PCDHGA2: variants seen among roughly 807,000 people sequenced by gnomAD.
PCDHGA2 encodes protocadherin gamma-A2.
Under a neutral mutation model 59.2 loss-of-function variants are expected in PCDHGA2, and 40 were observed. The ratio of observed to expected loss-of-function variants is 0.68; its 90% confidence interval spans 0.52 to 0.88. The LOEUF (loss-of-function observed/expected upper bound fraction) is 0.88, where lower values mean the gene tolerates loss of function less well. PCDHGA2 is among the 40% of genes least tolerant of loss of function. PCDHGA2 has a pLI of 0.00. For missense variants in PCDHGA2, 1,226 were observed against 1,204.0 expected (o/e 1.02, Z -0.27); for synonymous variants, 560 against 526.0 (o/e 1.06, Z -0.89).
At chr5:141,361,888 G>T (rs201231976) in intron 1 of PCDHGA2, 1 of 1,610,098 alleles carries the variant, frequency 6.2e-7, no homozygotes, top group African/African-American at 1.3e-5. Context: ...CGCAGAGCCC[G>T]GCTACCTGGT....
At chr5:141,365,589 T>C (rs779313790) in intron 1 of PCDHGA2, 12 of 1,613,518 alleles carry the variant, frequency 7.4e-6, no homozygotes, top group Middle Eastern at 1.6e-4. Flanking sequence ...GATTATAATA[T>C]CACTTTAACC....
chr5:141,474,710 A>T (rs535069070), intron 1 of PCDHGA2, among the ~76,000 whole-genome samples: 31 of 152,330 alleles, frequency 2.0e-4, no homozygotes, highest in African/African-American at 6.3e-4. Context: ...GTTCTATTAT[A>T]CTTCAAAAGG....
rs61738537 is a variant in PCDHGA2 at position 141,340,317 on chromosome 5, C to T, written c.1346C>T (p.Ala449Val). 46 of 1,614,050 alleles carry T rather than the reference C, an allele frequency of 2.8e-5. No homozygotes were observed. The African/African-American group carries it at 5.9e-4, about 21-fold the overall frequency. The part of the protein sequence containing the change: ...LLQVADINDN[A>V]PAFSRTSYST... ...CAGGTGGCAGACATCAACGACAACG[C>T]ACCCGCCTTCTCCCGCACATCCTAC... The change falls in exon 1 of 4, where the codon GCA becomes GTA. Residue 449 changes from alanine to valine, a missense_variant. Physicochemically the swap from Ala to Val is moderately conservative, Grantham distance 64. Transcript: ENST00000394576.
At chr5:141,409,832 G>A (rs777679132) in intron 1 of PCDHGA2, 20 of 1,610,814 alleles carry the variant, frequency 1.2e-5, no homozygotes, top group Non-Finnish European at 1.6e-5. Context: ...CACGCTCAGC[G>A]CCAACGTGAG....
chr5:141,418,954 T>C (rs1490406390), intron 1 of PCDHGA2: 2 of 1,613,914 alleles, frequency 1.2e-6, no homozygotes, highest in Admixed American at 1.7e-5. Flanking sequence ...CAGGAGTGGT[T>C]GTTGCCCTCT....
intron 1 of PCDHGA2, chr5:141,387,676 G>C: frequency 2.7e-6 from 2 of 732,232 alleles, no homozygotes; most frequent in Non-Finnish European, 4.3e-6. Context: ...AGATCTCCTC[G>C]CGCAGCCGCA....
rs1226359801 is a variant in PCDHGA2, at chr5:141,388,320, G to A, written c.2424+46925G>A. On this transcript the variant is annotated intron_variant, in intron 1 of 3. Coordinates refer to ENST00000394576, the MANE Select transcript of PCDHGA2 (RefSeq NM_018915.4). ...CTTTGAGCTGCAAATAAGTGAGTCT[G>A]CACAGCCTGGCACACGATTTATATT... is the stretch of plus-strand genomic sequence containing the variant. 9.3e-6 allele frequency: 15 copies of A among 1,613,768 alleles called. 1 individual carries two copies. The Admixed American group carries it at 2.5e-4, about 27-fold the overall frequency.
chr5:141,450,556 G>A lies in PCDHGA2; in HGVS notation c.2425-44251G>A, dbSNP rs534127421. Among the ~76,000 whole-genome samples, 5 of 151,822 alleles carry A rather than the reference G, an allele frequency of 3.3e-5. 1 individual carries two copies. Among genetic ancestry groups the A allele is most frequent in the South Asian group, 2.1e-4 (1 of 4,804 alleles). On this transcript the variant is annotated intron_variant, in intron 1 of 3. Transcript: ENST00000394576. ...GGCTGGAATGCAGTGGCGCAGTCTCGGCTCACTGCAACTTCTGCCTCCCAG... is the reference window on the plus strand; with the variant it reads ...GGCTGGAATGCAGTGGCGCAGTCTCAGCTCACTGCAACTTCTGCCTCCCAG...
chr5:141,430,957 C>T (rs771551541), intron 1 of PCDHGA2: 42 of 1,611,532 alleles, frequency 2.6e-5, no homozygotes, highest in Middle Eastern at 3.3e-4. Context: ...GAGTCCGCAT[C>T]ATCCCCAGAG....
chr5:141,393,136 C>A (rs1188231861), intron 1 of PCDHGA2: 3 of 1,613,306 alleles, frequency 1.9e-6, no homozygotes, highest in Admixed American at 1.7e-5. Flanking sequence ...AATATTAACA[C>A]CCTGGTTGAG....
chr5:141,460,346 ATTTTC>A (rs1049715417), intron 1 of PCDHGA2, among the ~76,000 whole-genome samples: 6 of 151,964 alleles, frequency 3.9e-5, no homozygotes, highest in Non-Finnish European at 8.8e-5. Flanking sequence ...TTTCTCCTAT[ATTTTC>A]TTTTAGAAGT....
In PCDHGA2 at chr5:141,362,283, A is replaced by G. The variant is rs758529550; in HGVS notation, c.2424+20888A>G. 15 of 1,612,776 alleles carry G rather than the reference A, an allele frequency of 9.3e-6. No individual in the cohort carries two copies. In the Admixed American group the frequency reaches 1.8e-4, roughly 20 times the overall value. On this transcript the variant is annotated intron_variant, in intron 1 of 3. Transcript: ENST00000394576. ...TTCTGGCAATCTCCCTGCGCCTGCG[A>G]CTCTCTTCCAGGTCAGATGCTTGGG...
intron 1 of PCDHGA2, chr5:141,360,677 C>T: frequency 1.2e-6 from 2 of 1,613,980 alleles, no homozygotes; most frequent in South Asian, 1.1e-5. Flanking sequence ...TTTGATCTCG[C>T]TGAGAAACAG....
Position 141,420,738 on chromosome 5 carries a change from T to C in PCDHGA2, c.2425-74069T>C, listed in dbSNP as rs550966989. 1.5e-4 allele frequency among the ~76,000 whole-genome samples: 23 copies of C among 152,358 alleles called. 1 individual carries two copies. In the South Asian group the frequency reaches 4.6e-3, roughly 30 times the overall value. ...GTTCCTTTCAGTCGGTTAAAATCAA[T>C]TGGAACCAACTACAACCTACAAGTT... On this transcript the variant is annotated intron_variant, in intron 1 of 3. Transcript: ENST00000394576.
Position 141,340,856 on chromosome 5 carries a change from G to T in PCDHGA2, c.1885G>T (p.Ala629Ser). The change falls in exon 1 of 4, where the codon GCG becomes TCG. Residue 629 changes from alanine (A) to serine (S), a missense_variant. Physicochemically the swap from Ala to Ser is moderately conservative, Grantham distance 99. Coordinates refer to ENST00000394576, the MANE Select transcript of PCDHGA2 (RefSeq NM_018915.4). ...TCTGCACACGGGCGAGGTGCGCACG[G>T]CGCGAGCCCTGCTGGACAGAGACGC... is the stretch of plus-strand genomic sequence containing the variant. ...VGLHTGEVRT[A>S]RALLDRDALK... is the part of the protein sequence containing the mutation. 1 of 1,613,640 alleles carries T rather than the reference G, an allele frequency of 6.2e-7. No individual in the cohort carries two copies. Among genetic ancestry groups the T allele is most frequent in the Non-Finnish European group, 8.5e-7 (1 of 1,179,920 alleles).
rs77976889 is a variant in PCDHGA2, at chr5:141,493,704, G to C, written c.2425-1103G>C. On this transcript the variant is annotated intron_variant, in intron 1 of 3. Transcript: ENST00000394576. This position sits in a 1 kb window ranked among gnomAD's most constrained non-coding sequence, Gnocchi z 4.3. ...GTGCTGGTGACTCCCGATACACCTG[G>C]AATGCTAGGTTTCTGGGTTCTGCTC... Among the ~76,000 whole-genome samples the C allele has an allele frequency of 1.7e-3, 258 of 152,278 alleles. 2 individuals are homozygous for C. The highest frequency in any genetic ancestry group is 5.7e-3 in the African/African-American group (237 of 41,540).
intron 1 of PCDHGA2, chr5:141,370,409 C>CG (rs775733785): frequency 1.3e-6 from 2 of 1,561,734 alleles, no homozygotes; most frequent in Non-Finnish European, 1.7e-6. Context: ...GAAATAGCTC[C>CG]GGATGGAGGG....
chr5:141,469,747 C>T (rs1392088794), intron 1 of PCDHGA2, among the ~76,000 whole-genome samples: 1 of 152,134 alleles, frequency 6.6e-6, no homozygotes, highest in Non-Finnish European at 1.5e-5. Context: ...TCAAAAATTA[C>T]AAAAATACAT....
chr5:141,360,908 G>GCTTC, intron 1 of PCDHGA2: 1 of 1,614,016 alleles, frequency 6.2e-7, no homozygotes, highest in African/African-American at 1.3e-5. Flanking sequence ...GTGCCGCCGG[G>GCTTC]CTTCTTTGTG....
Sources: allele counts gnomAD v4.1 joint callset (sites outside exome capture counted in the v4.1 genomes callset), GRCh38; gene constraint gnomAD v4.1.1; non-coding constraint Gnocchi (gnomAD v3.1); transcripts MANE v1.5; gene names NCBI Gene and HGNC (gene_info 2026-07-23, HGNC 2026-07-21).